The following QTGAL variants were observed in gnomAD, a reference collection of about 807,000 sequenced individuals.
QTGAL encodes BGnT-like protein 1.
chr17:82,995,474 C>T, the QTGAL span, among the ~76,000 whole-genome samples: 1 of 151,806 alleles, frequency 6.6e-6, no homozygotes, highest in Admixed American at 6.6e-5. Flanking sequence ...CCTCTGCTTC[C>T]CGGGTTCAAG....
chr17:83,001,569 A>AAACC, the QTGAL span, among the ~76,000 whole-genome samples: 7,043 of 143,826 alleles, frequency 0.049, 207 homozygotes, highest in South Asian at 0.11. Context: ...CAGCAAACGT[A>AAACC]AACCAGTCTA....
the QTGAL span, among the ~76,000 whole-genome samples, chr17:82,951,293 G>A: frequency 1.3e-5 from 2 of 152,208 alleles, no homozygotes; most frequent in African/African-American, 2.4e-5. Flanking sequence ...ATCTTCTGGA[G>A]AGCCTGCTGC....
chr17:83,047,096 G>A, the QTGAL span, among the ~76,000 whole-genome samples: 1 of 152,282 alleles, frequency 6.6e-6, no homozygotes, highest in African/African-American at 2.4e-5. Context: ...CCCCAGACTG[G>A]GTGGCAGAAG....
chr17:83,034,203 G>T, the QTGAL span, among the ~76,000 whole-genome samples: 8 of 152,230 alleles, frequency 5.3e-5, no homozygotes, highest in East Asian at 1.9e-4. Flanking sequence ...GCCTCCCAAA[G>T]TGCTGGGATT....
chr17:82,971,250 A>G, the QTGAL span, among the ~76,000 whole-genome samples: 4 of 152,336 alleles, frequency 2.6e-5, no homozygotes, highest in South Asian at 6.2e-4. Context: ...AAACAGCTCA[A>G]TCCATTCTTT....
the QTGAL span, among the ~76,000 whole-genome samples, chr17:83,034,362 A>G: frequency 1.3e-5 from 2 of 152,202 alleles, no homozygotes; most frequent in Non-Finnish European, 1.5e-5. Flanking sequence ...CTGCTGTGCA[A>G]TTTTACATTT....
the QTGAL span, among the ~76,000 whole-genome samples, chr17:83,012,576 G>C: frequency 6.6e-6 from 1 of 152,310 alleles, no homozygotes; most frequent in African/African-American, 2.4e-5. Flanking sequence ...CACAGGGTCT[G>C]CTCCACCTTC....
At chr17:83,015,813 TC>T in the QTGAL span, among the ~76,000 whole-genome samples, 751 of 152,312 alleles carry the variant, frequency 4.9e-3, 5 homozygotes, top group African/African-American at 0.016. The surrounding 1 kb of genome is among the most constrained non-coding windows in gnomAD (Gnocchi z 4.4). Flanking sequence ...CTTATGAGCA[TC>T]TAACTAATGC....
At chr17:83,027,003 C>G in the QTGAL span, among the ~76,000 whole-genome samples, 1 of 145,644 alleles carries the variant, frequency 6.9e-6, no homozygotes, top group Non-Finnish European at 1.5e-5. Flanking sequence ...GACAGACACA[C>G]AGAGCGGGGC....
At chr17:83,035,240 C>T in the QTGAL span, 75 of 632,542 alleles carry the variant, frequency 1.2e-4, 1 homozygote, top group South Asian at 1.3e-3. Flanking sequence ...AGTGCAGTGG[C>T]GTGATTTTGG....
chr17:83,009,154 T>C, the QTGAL span, among the ~76,000 whole-genome samples: 1 of 151,914 alleles, frequency 6.6e-6, no homozygotes, highest in East Asian at 1.9e-4. Context: ...CTGGGCGCAG[T>C]GGCTCACACC....
chr17:83,005,324 C>T, the QTGAL span: 1 of 903,470 alleles, frequency 1.1e-6, no homozygotes, highest in East Asian at 2.5e-5. This position sits in a 1 kb window ranked among gnomAD's most constrained non-coding sequence, Gnocchi z 5.6. Context: ...AGACAGGAAA[C>T]TGAAATGCTG....
chr17:82,989,576 T>C, the QTGAL span, among the ~76,000 whole-genome samples: 6 of 152,098 alleles, frequency 3.9e-5, no homozygotes, highest in Non-Finnish European at 8.8e-5. Flanking sequence ...AATTTCATCT[T>C]TCATAAATGC....
chr17:82,942,358 C>T, the QTGAL span: 293 of 1,582,920 alleles, frequency 1.9e-4, no homozygotes, highest in Non-Finnish European at 2.5e-4. Context: ...GTGTCAGTCC[C>T]CACACAGGGC....
At chr17:83,020,994 T>C in the QTGAL span, among the ~76,000 whole-genome samples, 1 of 152,262 alleles carries the variant, frequency 6.6e-6, no homozygotes, top group Non-Finnish European at 1.5e-5. Flanking sequence ...TCATACATTG[T>C]GTTCCACACG....
chr17:82,945,576 G>A, the QTGAL span: 1 of 152,170 alleles, frequency 6.6e-6, no homozygotes, highest in Non-Finnish European at 1.5e-5. Context: ...TTAAAGAAGA[G>A]AACAAAATTA....
At chr17:83,038,406 T>C in the QTGAL span, among the ~76,000 whole-genome samples, 2 of 152,242 alleles carry the variant, frequency 1.3e-5, no homozygotes, top group Non-Finnish European at 2.9e-5. Context: ...TGCCTCAAGT[T>C]AGAGCTAATC....
At chr17:82,968,552 G>T in the QTGAL span, among the ~76,000 whole-genome samples, 1 of 144,972 alleles carries the variant, frequency 6.9e-6, no homozygotes, top group Admixed American at 7.1e-5. Context: ...CGGCAACAGG[G>T]AAGGGAGGCA....
the QTGAL span, among the ~76,000 whole-genome samples, chr17:82,968,580 T>TGCACAGATGTCTGTCG: frequency 2.0e-5 from 3 of 152,040 alleles, no homozygotes; most frequent in Admixed American, 6.5e-5. Context: ...GTGTGCACAG[T>TGCACAGATGTCTGTCG]GTGACCCCAC....
Sources: allele counts gnomAD v4.1 joint callset (sites outside exome capture counted in the v4.1 genomes callset), GRCh38; gene constraint gnomAD v4.1.1; non-coding constraint Gnocchi (gnomAD v3.1); transcripts MANE v1.5; gene names NCBI Gene and HGNC (gene_info 2026-07-23, HGNC 2026-07-21).